NTM: variants seen among roughly 807,000 people sequenced by gnomAD.
NTM encodes IgLON family member 2.
NTM carries 13 observed loss-of-function variants against 42.1 expected under a neutral mutation model. That is an observed-to-expected ratio of 0.31 (90% CI 0.20 to 0.49). NTM has a LOEUF of 0.49. Among genes scored for constraint, NTM ranks in the 20% least tolerant of loss-of-function variants. The pLI is 0.99. For synonymous variants in NTM, 187 were observed against 179.2 expected (o/e 1.04, Z -0.35); for missense variants, 373 against 452.8 (o/e 0.82, Z 1.60).
At chr11:131,526,450 T>C (rs924778285) in intron 1 of NTM, among the ~76,000 whole-genome samples, 5 of 152,218 alleles carry the variant, frequency 3.3e-5, no homozygotes, top group African/African-American at 1.2e-4. Context: ...TTCTTTGGAA[T>C]AATTAAGAGA....
Position 131,911,551 on chromosome 11 carries a change from C to A in NTM, c.83-13C>A. On this transcript the variant is annotated splice_polypyrimidine_tract_variant and intron_variant, in intron 1 of 8. Transcript: ENST00000683400. ...GGTCGTGTCTCTCAGGCTGCTGTTC[C>A]TTGTACCCACAGGAGTGCCCGTGCG... 1.2e-6 allele frequency: 2 copies of A among 1,614,174 alleles called. No homozygotes were observed. Among genetic ancestry groups the A allele is most frequent in the South Asian group, 2.2e-5 (2 of 91,078 alleles).
chr11:131,833,219 G>T (rs928959539), intron 1 of NTM, among the ~76,000 whole-genome samples: 3 of 152,168 alleles, frequency 2.0e-5, no homozygotes, highest in Non-Finnish European at 4.4e-5. Context: ...CAGTGGAAAG[G>T]TGAGCTTTGT....
chr11:132,052,454 T>A (rs755042215), intron 2 of NTM, among the ~76,000 whole-genome samples: 3 of 152,124 alleles, frequency 2.0e-5, no homozygotes, highest in Non-Finnish European at 4.4e-5. Flanking sequence ...AAAATGTGAA[T>A]CCTGTCAACA....
At chr11:131,965,915 G>T (rs1012931226) in intron 2 of NTM, among the ~76,000 whole-genome samples, 3 of 132,700 alleles carry the variant, frequency 2.3e-5, no homozygotes, top group Non-Finnish European at 4.7e-5. Flanking sequence ...GGTAGGTAGA[G>T]AGCAAAGGAG....
At chr11:131,560,493 C>G (rs749242454) in intron 1 of NTM, among the ~76,000 whole-genome samples, 27 of 152,126 alleles carry the variant, frequency 1.8e-4, no homozygotes, top group Admixed American at 6.5e-5. Context: ...GGAAGAGAAC[C>G]TTTTGTGGAA....
chr11:131,992,548 G>T (rs191139335), intron 2 of NTM, among the ~76,000 whole-genome samples: 108 of 152,092 alleles, frequency 7.1e-4, no homozygotes, highest in Non-Finnish European at 1.1e-3. Flanking sequence ...TCGCATCAGG[G>T]ACCTCAATTC....
At chr11:131,837,656 C>T (rs1434432291) in intron 1 of NTM, among the ~76,000 whole-genome samples, 2 of 152,160 alleles carry the variant, frequency 1.3e-5, no homozygotes, top group African/African-American at 4.8e-5. Flanking sequence ...CAAGCCCAGG[C>T]AAAGGTTTTT....
intron 4 of NTM, among the ~76,000 whole-genome samples, chr11:132,256,910 G>T (rs2139466748): frequency 6.6e-6 from 1 of 152,284 alleles, no homozygotes; most frequent in East Asian, 1.9e-4. Flanking sequence ...CATTTCTGCA[G>T]GAGCATCTGT....
chr11:132,080,051 G>C (rs1342529885), intron 2 of NTM, among the ~76,000 whole-genome samples: 1 of 152,188 alleles, frequency 6.6e-6, no homozygotes, highest in Non-Finnish European at 1.5e-5. Context: ...TTGATGTTAA[G>C]TGTGGGTATG....
chr11:131,473,294 C>T (rs1476271272), intron 1 of NTM, among the ~76,000 whole-genome samples: 2 of 152,048 alleles, frequency 1.3e-5, no homozygotes, highest in African/African-American at 4.8e-5. Context: ...AGCTCCATGT[C>T]CAAACACAAA....
intron 1 of NTM, among the ~76,000 whole-genome samples, chr11:131,592,351 C>G (rs1202325695): frequency 6.6e-6 from 1 of 152,078 alleles, no homozygotes; most frequent in Non-Finnish European, 1.5e-5. Context: ...CTTTGAGCAG[C>G]AGCTATAGCC....
chr11:132,043,354 C>A (rs1356683100), intron 2 of NTM, among the ~76,000 whole-genome samples: 1 of 152,138 alleles, frequency 6.6e-6, no homozygotes, highest in Non-Finnish European at 1.5e-5. Flanking sequence ...ACCACCTGTC[C>A]CTTAACAAAG....
At chr11:132,276,694 A>G (rs935401977) in intron 4 of NTM, among the ~76,000 whole-genome samples, 5 of 152,118 alleles carry the variant, frequency 3.3e-5, no homozygotes, top group Non-Finnish European at 5.9e-5. Context: ...CATCATCCAC[A>G]TGGTGCTGCA....
At chr11:131,824,752 G>T (rs2041928614) in intron 1 of NTM, among the ~76,000 whole-genome samples, 1 of 152,138 alleles carries the variant, frequency 6.6e-6, no homozygotes. Flanking sequence ...CCTCAGGGAT[G>T]CCTTTCTTTA....
intron 2 of NTM, among the ~76,000 whole-genome samples, chr11:132,071,433 G>A (rs987473807): frequency 8.5e-5 from 13 of 152,242 alleles, no homozygotes; most frequent in African/African-American, 2.4e-4. Context: ...GACCACCACC[G>A]TGCTTGCCTG....
chr11:131,587,738 A>T (rs987146789), intron 1 of NTM, among the ~76,000 whole-genome samples: 9 of 152,214 alleles, frequency 5.9e-5, no homozygotes, highest in Admixed American at 5.9e-4. Context: ...CCAGGACTCT[A>T]TTCTTTCATG....
intron 1 of NTM, among the ~76,000 whole-genome samples, chr11:131,698,769 C>A (rs2075758359): frequency 6.6e-6 from 1 of 152,206 alleles, no homozygotes; most frequent in African/African-American, 2.4e-5. Context: ...TAGGAGTATT[C>A]TTCTCATGAA....
intron 1 of NTM, among the ~76,000 whole-genome samples, chr11:131,421,172 T>C (rs1947478270): frequency 6.6e-6 from 1 of 152,202 alleles, no homozygotes. Flanking sequence ...TGACCTGAGA[T>C]CAGTATGTCC....
chr11:131,520,124 G>T (rs746019237), intron 1 of NTM, among the ~76,000 whole-genome samples: 1 of 151,960 alleles, frequency 6.6e-6, no homozygotes, highest in Non-Finnish European at 1.5e-5. Context: ...TTGCATTATA[G>T]AATCTCCAGA....
Sources: gnomAD v4.1 joint callset for allele counts (sites outside exome capture counted in the v4.1 genomes callset) on GRCh38, gnomAD v4.1.1 for gene constraint, MANE v1.5 for transcripts, NCBI Gene and HGNC (gene_info 2026-07-23, HGNC 2026-07-21) for gene names.